The following SMIM14 variants were observed in gnomAD, a reference collection of about 807,000 sequenced individuals.
SMIM14 encodes the protein small integral membrane protein 14.
In SMIM14, 5 loss-of-function variants were observed where a neutral mutation model predicts 12.6. The ratio of observed to expected loss-of-function variants is 0.40; its 90% CI spans 0.21 to 0.83. The LOEUF (loss-of-function observed/expected upper bound fraction) is 0.83, where lower values mean the gene tolerates loss of function less well. Ranked by LOEUF, SMIM14 falls within the 40% of genes least tolerant of loss-of-function variation. SMIM14 has a pLI of 0.37. For synonymous variants in SMIM14, 30 were observed against 40.1 expected (o/e 0.75, Z 0.95); for missense variants, 86 against 119.1 (o/e 0.72, Z 1.29).
chr4:39,597,546 T>C (rs1466054460), intron 2 of SMIM14, among the ~76,000 whole-genome samples: 1 of 149,710 alleles, frequency 6.7e-6, no homozygotes, highest in African/African-American at 2.5e-5. Flanking sequence ...GGGGTTCAAG[T>C]GATTCTCCTG....
At chr4:39,614,843 T>C (rs1168898448) in intron 1 of SMIM14, among the ~76,000 whole-genome samples, 1 of 152,174 alleles carries the variant, frequency 6.6e-6, no homozygotes, top group African/African-American at 2.4e-5. Context: ...AACATGAATG[T>C]TGGGAAGGCA....
chr4:39,603,050 C>T (rs1300322953), intron 2 of SMIM14, among the ~76,000 whole-genome samples: 1 of 152,026 alleles, frequency 6.6e-6, no homozygotes, highest in Non-Finnish European at 1.5e-5. Context: ...ACATGATGAT[C>T]AAAGGAAATG....
intron 1 of SMIM14, among the ~76,000 whole-genome samples, chr4:39,634,561 ATAAAG>A (rs1485603073): frequency 2.0e-5 from 3 of 152,252 alleles, no homozygotes; most frequent in East Asian, 1.9e-4. Flanking sequence ...TACTTGACAT[ATAAAG>A]TAGTGTTCCC....
At chr4:39,601,554 T>C (rs35754554) in intron 2 of SMIM14, among the ~76,000 whole-genome samples, 10,197 of 152,220 alleles carry the variant, frequency 0.067, 420 homozygotes, top group East Asian at 0.096. Flanking sequence ...CTCAGATAAA[T>C]TGCTTTTAAA....
At chr4:39,568,546 A>T (rs1471583726) in intron 3 of SMIM14, among the ~76,000 whole-genome samples, 1 of 119,914 alleles carries the variant, frequency 8.3e-6, no homozygotes, top group Non-Finnish European at 1.6e-5. Context: ...CAACCAATTT[A>T]AAAAAGTCAG....
At chr4:39,616,197 G>A (rs774091610) in intron 1 of SMIM14, among the ~76,000 whole-genome samples, 3 of 152,124 alleles carry the variant, frequency 2.0e-5, no homozygotes, top group African/African-American at 4.8e-5. Context: ...GTGCAGTGTC[G>A]CCATCTTGGC....
intron 1 of SMIM14, among the ~76,000 whole-genome samples, chr4:39,614,325 CT>C (rs879697540): frequency 1.7e-3 from 240 of 144,690 alleles, no homozygotes; most frequent in Middle Eastern, 3.6e-3. Context: ...TCCTATGCTA[CT>C]TTTTTTTTTT....
At chr4:39,629,681 T>A (rs1715834119) in intron 1 of SMIM14, among the ~76,000 whole-genome samples, 1 of 152,092 alleles carries the variant, frequency 6.6e-6, no homozygotes, top group South Asian at 2.1e-4. Flanking sequence ...TGGAGTGCAG[T>A]GGCGTGATCA....
Position 39,546,667 on chromosome 4 carries a change from T to C in SMIM14, c.*5459A>G, listed in dbSNP as rs562306393. Reference sequence around the variant, plus strand: ...TTTAATGAAAACTTAACAGTTTCACTGAGGATTCAGATATCCGTTGACATG... The same window carrying C: ...TTTAATGAAAACTTAACAGTTTCACCGAGGATTCAGATATCCGTTGACATG... On this transcript the variant is annotated 3_prime_UTR_variant, in exon 5 of 5. Coordinates refer to ENST00000295958, the MANE Select transcript of SMIM14 (RefSeq NM_174921.3). 39 of 152,400 alleles carry C rather than the reference T, an allele frequency of 2.6e-4. No individual in the cohort carries two copies. The highest frequency in any genetic ancestry group is 8.9e-4 in the African/African-American group (37 of 41,602). The allele number at this position is 152,400 out of a possible 1,614,324, so 9.4% of individuals were successfully genotyped here.
At chr4:39,610,215 G>A (rs557097304) in intron 1 of SMIM14, among the ~76,000 whole-genome samples, 81 of 152,040 alleles carry the variant, frequency 5.3e-4, no homozygotes, top group Non-Finnish European at 7.2e-4. Context: ...TTGAACTCTT[G>A]AGCTCAAGTG....
intron 3 of SMIM14, among the ~76,000 whole-genome samples, chr4:39,559,913 T>C (rs1226198679): frequency 6.6e-6 from 1 of 151,536 alleles, no homozygotes; most frequent in Non-Finnish European, 1.5e-5. Context: ...ACTCAGGAGT[T>C]TGAGACCAGC....
intron 2 of SMIM14, among the ~76,000 whole-genome samples, chr4:39,604,759 T>C (rs1714742437): frequency 6.6e-6 from 1 of 150,896 alleles, no homozygotes. Context: ...TAAAAGTGTG[T>C]GCCACCACGC....
intron 3 of SMIM14, among the ~76,000 whole-genome samples, chr4:39,570,548 T>C (rs934602918): frequency 1.3e-5 from 2 of 152,228 alleles, no homozygotes; most frequent in African/African-American, 2.4e-5. Flanking sequence ...ACACAAAGAA[T>C]GTTTATTCAA....
intron 2 of SMIM14, among the ~76,000 whole-genome samples, chr4:39,603,516 G>A (rs553123219): frequency 9.5e-4 from 144 of 151,898 alleles, no homozygotes; most frequent in African/African-American, 2.6e-3. Flanking sequence ...CCAAGATCGC[G>A]CCACTGCACT....
chr4:39,557,789 A>G (rs1712095081), intron 3 of SMIM14, among the ~76,000 whole-genome samples: 1 of 152,152 alleles, frequency 6.6e-6, no homozygotes. Context: ...CTTTGGGGGG[A>G]AAAATCTGCT....
intron 2 of SMIM14, among the ~76,000 whole-genome samples, chr4:39,573,032 G>A (rs1712980593): frequency 6.6e-6 from 1 of 150,906 alleles, no homozygotes; most frequent in Non-Finnish European, 1.5e-5. Flanking sequence ...GTAGAGATGG[G>A]GGTCTTACTA....
At chr4:39,607,206 T>C (rs960884066) in intron 1 of SMIM14, among the ~76,000 whole-genome samples, 1 of 152,160 alleles carries the variant, frequency 6.6e-6, no homozygotes, top group African/African-American at 2.4e-5. Flanking sequence ...GTCTAATATA[T>C]GTGAATTGTG....
At chr4:39,587,021 T>C (rs570928484) in intron 2 of SMIM14, among the ~76,000 whole-genome samples, 5 of 151,938 alleles carry the variant, frequency 3.3e-5, no homozygotes, top group Non-Finnish European at 5.9e-5. Flanking sequence ...TCTACCCTCA[T>C]GAACTCATTA....
At chr4:39,601,945 C>T (rs1714630130) in intron 2 of SMIM14, among the ~76,000 whole-genome samples, 2 of 118,960 alleles carry the variant, frequency 1.7e-5, no homozygotes, top group Middle Eastern at 5.5e-3. Context: ...AAGACCCTAT[C>T]TTAAAAAAAA....
Sources: allele counts gnomAD v4.1 joint callset (sites outside exome capture counted in the v4.1 genomes callset), GRCh38; gene constraint gnomAD v4.1.1; transcripts MANE v1.5; gene names NCBI Gene and HGNC (gene_info 2026-07-23, HGNC 2026-07-21).